Variants in SF1 observed in about 807,000 individuals in gnomAD.
The protein encoded by SF1 is branch point-binding protein.
A neutral mutation model predicts 62.5 loss-of-function variants in SF1; 7 were observed. The observed-to-expected ratio is 0.11, with a 90% CI of 0.06 to 0.21. SF1 has a LOEUF of 0.21. Ranked by LOEUF, SF1 falls within the 10% of genes least tolerant of loss-of-function variation. SF1 has a pLI of 1.00. For missense variants in SF1, 578 were observed against 884.0 expected, an observed-to-expected ratio of 0.65 and a Z score of 4.39; for synonymous variants, 394 against 323.6, an observed-to-expected ratio of 1.22 and a Z score of -2.33.
rs1181279015 is a variant in SF1 at position 64,778,086 on chromosome 11, G to A, written c.31+276C>T. The A allele has an allele frequency of 1.7e-5, 16 of 959,272 alleles. No homozygotes were observed. Among genetic ancestry groups the A allele is most frequent in the East Asian group, 9.4e-5 (1 of 10,620 alleles). The allele number at this position is 959,272 out of a possible 1,614,324, so 59.4% of individuals were successfully genotyped here. On this transcript the variant is annotated intron_variant, in intron 1 of 12. Coordinates refer to ENST00000377390, the MANE Select transcript of SF1 (RefSeq NM_004630.4). ...ACGCGCTGGTAGAGCGGCGGCGGAG[G>A]GGGCGGCTGCGGCGGCGGGTACGAG...
chr11:64,767,604 G>T lies in SF1; in HGVS notation c.1309C>A (p.His437Asn). 6.3e-7 allele frequency: 1 copy of T among 1,581,414 alleles called. No homozygotes were observed. Among genetic ancestry groups the T allele is most frequent in the Non-Finnish European group, 8.6e-7 (1 of 1,165,628 alleles). ...GGAGGGCCATGGTGCCCAGGAGGGT[G>T]GGGGCCCTGGTTCATCGGTGGTGGT... ...PPPPPMNQGP[H>N]PPGHHGPPPM... Residue 437 changes from histidine (H) to asparagine (N), a missense_variant, in exon 10 of 13, where the codon CAC becomes AAC. His to Asn is a moderately conservative substitution (Grantham distance 68). Coordinates refer to ENST00000377390, the MANE Select transcript of SF1 (RefSeq NM_004630.4).
In SF1 at chr11:64,770,396, A is replaced by G; in HGVS notation, c.249T>C (p.Pro83=). ...PPNPEDRSPS[P]EPIYNSEGKR... is the part of the protein sequence containing the mutation. ...TCCCCTCGCTATTGTAGATGGGCTC[A>G]GGGGAAGGGGACCTGTGGGAAACAG... is the stretch of plus-strand genomic sequence containing the variant. Residue 83 remains proline, a synonymous_variant, in exon 4 of 13, where the codon CCT becomes CCC. Coordinates refer to ENST00000377390, the MANE Select transcript of SF1 (RefSeq NM_004630.4). 1 of 1,613,010 alleles carries G rather than the reference A, an allele frequency of 6.2e-7. No homozygotes were observed. Among genetic ancestry groups the G allele is most frequent in the Non-Finnish European group, 8.5e-7 (1 of 1,179,040 alleles).
At chr11:64,766,294 G>GGGGGGGGGGGCCCCCCCCCCCCCCC in intron 12 of SF1, 139 bp from the exon 13 acceptor site, 1 of 85,182 alleles carries the variant, frequency 1.2e-5, no homozygotes, top group Non-Finnish European at 2.3e-5. Context: ...GGTGGGCGGG[G>GGGGGGGGGGGCCCCCCCCCCCCCCC]CTGGTGATGG....
chr11:64,772,997 A>G, intron 3 of SF1: 3 of 1,001,624 alleles, frequency 3.0e-6, no homozygotes, highest in Non-Finnish European at 2.4e-6. Context: ...CAATGAGCTG[A>G]CCAGAGCTCC....
Position 64,767,263 on chromosome 11 carries a change from GA to G in SF1, c.1343-13del. ...TCCCAGGTACTGATCTTGATGGAAG[GA>G]AAGAGCAGGGACTTAGCAGGACATT... On this transcript the variant is annotated splice_polypyrimidine_tract_variant and intron_variant, in intron 10 of 12. Transcript: ENST00000377390. 1 of 1,613,584 alleles carries G rather than the reference GA, an allele frequency of 6.2e-7. No individual in the cohort carries two copies. The highest frequency in any genetic ancestry group is 1.1e-5 in the South Asian group (1 of 91,070).
chr11:64,771,636 C>T, intron 3 of SF1: 1 of 985,382 alleles, frequency 1.0e-6, no homozygotes, highest in Non-Finnish European at 1.2e-6. Flanking sequence ...CCGTTTCTAG[C>T]ATTTGTATAA....
At chr11:64,766,686 C>T (rs1287391362) in intron 12 of SF1, 4 of 460,348 alleles carry the variant, frequency 8.7e-6, no homozygotes, top group Non-Finnish European at 1.1e-5. Context: ...CAGGCCCCCA[C>T]GAACCTCTCC....
At chr11:64,773,665 C>T (rs900138612) in intron 2 of SF1, among the ~76,000 whole-genome samples, 160 bp from the exon 3 acceptor site, 3 of 152,194 alleles carry the variant, frequency 2.0e-5, no homozygotes, top group African/African-American at 4.8e-5. Flanking sequence ...AACCACCTAT[C>T]GGCAGGAGTC....
intron 12 of SF1, 82 bp from the exon 13 acceptor site, chr11:64,766,237 A>AG: frequency 3.2e-6 from 2 of 626,790 alleles, no homozygotes; most frequent in Non-Finnish European, 4.7e-6. Flanking sequence ...GATGGGGGCG[A>AG]GGGGCGCCTG....
Position 64,765,236 on chromosome 11 carries a change from A to C in SF1, c.*582T>G. 8.7e-6 allele frequency: 4 copies of C among 460,702 alleles called. No individual in the cohort carries two copies. Among genetic ancestry groups the C allele is most frequent in the Non-Finnish European group, 1.2e-5 (3 of 256,432 alleles). 28.5% of individuals were successfully genotyped at this position (460,702 alleles called of 1,614,324 possible). A position where few individuals can be genotyped will look rare whatever the true frequency, so the allele number is the denominator to read the frequency against. On this transcript the variant is annotated 3_prime_UTR_variant, in exon 13 of 13. Coordinates refer to ENST00000377390, the MANE Select transcript of SF1 (RefSeq NM_004630.4). ...GGAGAACTGGAGAGAAGGGAAAGGA[A>C]TCTAAATTGCAGCAGAAGACCGGGG...
intron 1 of SF1, 50 bp downstream of exon 1, chr11:64,778,312 G>A (rs1472349369): frequency 1.6e-6 from 2 of 1,223,366 alleles, no homozygotes; most frequent in Non-Finnish European, 2.0e-6. Context: ...CCGGCTCGAA[G>A]CCTCCTTTGG....
chr11:64,767,290 G>A, intron 10 of SF1, 39 bp from the exon 11 acceptor site: 2 of 1,601,182 alleles, frequency 1.2e-6, no homozygotes, highest in Non-Finnish European at 8.6e-7. Flanking sequence ...GCAGGACATT[G>A]GAACTGGCCA....
chr11:64,778,363 C>T lies in SF1; in HGVS notation c.30G>A (p.Leu10=), dbSNP rs1939761801. Residue 10 remains leucine, a splice_region_variant and synonymous_variant, in exon 1 of 13, where the codon TTG becomes TTA. Coordinates refer to ENST00000377390, the MANE Select transcript of SF1 (RefSeq NM_004630.4). MATGANATP[L]DFPSKKRKRS... ...GCAGCCCGGGGGGGCCCAGCTTACC[C>T]AACGGCGTGGCGTTCGCTCCGGTCG... 6.5e-6 allele frequency: 8 copies of T among 1,227,630 alleles called. No individual in the cohort carries two copies. The highest frequency in any genetic ancestry group is 8.1e-6 in the Non-Finnish European group (8 of 984,406). The allele number at this position is 1,227,630 out of a possible 1,614,324, so 76.0% of individuals were successfully genotyped here.
At chr11:64,776,395 CA>C in intron 2 of SF1, 102 bp downstream of exon 2, 2 of 1,310,998 alleles carry the variant, frequency 1.5e-6, no homozygotes, top group Non-Finnish European at 1.1e-6. Context: ...TATCTCATCT[CA>C]AAAAAGATAA....
Position 64,765,508 on chromosome 11 carries a change from G to A in SF1, c.*310C>T, listed in dbSNP as rs376621306. On this transcript the variant is annotated 3_prime_UTR_variant, in exon 13 of 13. Transcript: ENST00000377390. ...TCATGGCTCGGGCCATCGCCGCCGC[G>A]GGGAGGGATCCTGGCGGCCCGGTTT... The A allele has an allele frequency of 2.3e-5, 37 of 1,609,610 alleles. No homozygotes were observed. The highest frequency in any genetic ancestry group is 2.8e-5 in the Non-Finnish European group (33 of 1,178,240).
At chr11:64,766,830 A>T in intron 12 of SF1, 70 bp downstream of exon 12, 1 of 1,261,410 alleles carries the variant, frequency 7.9e-7, no homozygotes, top group Non-Finnish European at 1.1e-6. Flanking sequence ...TGCTTGTGTG[A>T]GGCTCTATGG....
Position 64,776,535 on chromosome 11 carries a change from G to A in SF1, c.123C>T (p.Pro41=), listed in dbSNP as rs776528394. 6.4e-7 allele frequency: 1 copy of A among 1,573,200 alleles called. No individual in the cohort carries two copies. The highest frequency in any genetic ancestry group is 8.6e-7 in the Non-Finnish European group (1 of 1,163,752). The change falls in exon 2 of 13, where the codon CCC becomes CCT. Residue 41 remains proline (P), a synonymous_variant. Coordinates refer to ENST00000377390, the MANE Select transcript of SF1 (RefSeq NM_004630.4). The part of the protein sequence containing the change: ...TVIPGMPTVI[P]PGLTREQERA... ...TTTCTTGTTCTCGAGTAAGTCCAGGGGGAATAACTGTAGGCATTCCTGGAA... is the reference window on the plus strand; with the variant it reads ...TTTCTTGTTCTCGAGTAAGTCCAGGAGGAATAACTGTAGGCATTCCTGGAA...
chr11:64,770,913 G>A (rs1213406159), intron 3 of SF1, among the ~76,000 whole-genome samples: 1 of 152,192 alleles, frequency 6.6e-6, no homozygotes, highest in Non-Finnish European at 1.5e-5. Flanking sequence ...AACTGGGACT[G>A]AAGGCTACTG....
intron 1 of SF1, chr11:64,777,704 A>G (rs960879973): frequency 1.0e-6 from 1 of 985,600 alleles, no homozygotes; most frequent in African/African-American, 1.7e-5. Flanking sequence ...CTGGACAGCA[A>G]TAGTGGGCCC....
Sources: allele counts gnomAD v4.1 joint callset (sites outside exome capture counted in the v4.1 genomes callset), GRCh38; gene constraint gnomAD v4.1.1; transcripts MANE v1.5; gene names NCBI Gene and HGNC (gene_info 2026-07-23, HGNC 2026-07-21).